The following RASL12 variants were observed in gnomAD, a reference collection of about 807,000 sequenced individuals.
RASL12 encodes RAS like family 12, also known as ras-like protein family member 12.
In RASL12, 16 loss-of-function variants were observed where a neutral mutation model predicts 22.9. The ratio of observed to expected loss-of-function variants is 0.70; its 90% CI spans 0.47 to 1.06. The LOEUF (loss-of-function observed/expected upper bound fraction) is 1.06. RASL12 is among the 50% of genes least tolerant of loss of function. The pLI is 0.00. For missense variants in RASL12, 306 were observed against 353.1 expected (o/e 0.87, Z 1.07); for synonymous variants, 159 against 152.2 (o/e 1.04, Z -0.33).
chr15:65,070,766 T>C (rs183453800), upstream of RASL12, among the ~76,000 whole-genome samples: 347 of 152,362 alleles, frequency 2.3e-3, 1 homozygote, highest in African/African-American at 7.5e-3. Context: ...GCGATGTGGT[T>C]GCCTCTTCTG....
chr15:65,063,866 G>C (rs2086843425), intron 2 of RASL12, among the ~76,000 whole-genome samples: 1 of 152,246 alleles, frequency 6.6e-6, no homozygotes. Context: ...TCCCCTCCAG[G>C]TGCGGCAGGA....
At position 65,053,479 on chromosome 15, in the gene RASL12, C is replaced by T; in HGVS notation, c.*1420G>A. On this transcript the variant is annotated 3_prime_UTR_variant, in exon 5 of 5. Transcript: ENST00000220062. ...CAAAAGTGCAAAATCCGTAGCTGGC[C>T]TGTGGGTCGGGAAGCCTGTAGGACT... The T allele has an allele frequency of 8.7e-7, 1 of 1,144,948 alleles. No homozygotes were observed. Among genetic ancestry groups the T allele is most frequent in the Non-Finnish European group, 1.1e-6 (1 of 929,666 alleles). 70.9% of individuals were successfully genotyped at this position (1,144,948 alleles called of 1,614,324 possible). A position where few individuals can be genotyped will look rare whatever the true frequency, so the allele number is the denominator to read the frequency against.
chr15:65,056,910 A>G (rs2086739072), intron 4 of RASL12, among the ~76,000 whole-genome samples: 1 of 152,016 alleles, frequency 6.6e-6, no homozygotes, highest in Admixed American at 6.6e-5. Flanking sequence ...CTCCCAAACC[A>G]TTTTAGACAA....
At chr15:65,068,509 C>G (rs976568434), upstream of RASL12, among the ~76,000 whole-genome samples, 3 of 152,166 alleles carry the variant, frequency 2.0e-5, no homozygotes, top group African/African-American at 4.8e-5. The surrounding 1 kb of genome is among the most constrained non-coding windows in gnomAD (Gnocchi z 4.2). Flanking sequence ...GGAGAGGGGG[C>G]GGGGCGGAGA....
At chr15:65,072,891 C>A (rs1184702938), upstream of RASL12, among the ~76,000 whole-genome samples, 1 of 152,152 alleles carries the variant, frequency 6.6e-6, no homozygotes, top group Non-Finnish European at 1.5e-5. Context: ...TGGCCCAGCA[C>A]TTTGGGAGGC....
intron 2 of RASL12, among the ~76,000 whole-genome samples, chr15:65,061,866 G>A (rs139740892): frequency 0.012 from 1,860 of 151,764 alleles, 41 homozygotes; most frequent in African/African-American, 0.042. Context: ...TGCTGAACAC[G>A]GTGAAACCCT....
intron 1 of RASL12, among the ~76,000 whole-genome samples, chr15:65,076,079 C>G (rs1228340186): frequency 2.0e-5 from 3 of 152,220 alleles, no homozygotes; most frequent in African/African-American, 7.2e-5. Flanking sequence ...ACCCACCAAT[C>G]AGCGCCCTGT....
chr15:65,054,724 C>A lies in RASL12; in HGVS notation c.*175G>T, dbSNP rs1038641025. The A allele has an allele frequency of 7.0e-7, 1 of 1,432,538 alleles. No individual in the cohort carries two copies. The highest frequency in any genetic ancestry group is 1.4e-5 in the African/African-American group (1 of 69,856). 88.7% of individuals were successfully genotyped at this position (1,432,538 alleles called of 1,614,324 possible). A position where few individuals can be genotyped will look rare whatever the true frequency, so the allele number is the denominator to read the frequency against. ...GACCAAGGCCTGGAGGGAACAGAAGCAGCATCCCTGCCTGCCACTCCAGCT... is the reference window on the plus strand; with the variant it reads ...GACCAAGGCCTGGAGGGAACAGAAGAAGCATCCCTGCCTGCCACTCCAGCT... On this transcript the variant is annotated 3_prime_UTR_variant, in exon 5 of 5. Transcript: ENST00000220062.
At chr15:65,055,808 T>A (rs12438638) in intron 4 of RASL12, among the ~76,000 whole-genome samples, 60,597 of 151,912 alleles carry the variant, frequency 0.4, 12,718 homozygotes, top group East Asian at 0.78. Context: ...GCTCCTGGGG[T>A]TTGTGTTTGT....
intron 1 of RASL12, among the ~76,000 whole-genome samples, 191 bp downstream of exon 1, chr15:65,067,542 A>C (rs2086892753): frequency 6.6e-6 from 1 of 152,174 alleles, no homozygotes; most frequent in African/African-American, 2.4e-5. Context: ...CTGAGCACAA[A>C]GCCGAGAGAA....
rs190921950 is a variant in RASL12 at position 65,073,070 on chromosome 15, C to A, written c.70+3459G>T. On this transcript the variant is annotated intron_variant, in intron 1 of 4. Transcript: ENST00000434605. ...AAAAAGAAACAAACAAACAAAAAAA[C>A]CCCAAACCAACGAACCAAACAAACA... Among the ~76,000 whole-genome samples, 684 of 152,062 alleles carry A rather than the reference C, an allele frequency of 4.5e-3. 15 individuals carry two copies. Among genetic ancestry groups the A allele is most frequent in the Admixed American group, 0.039 (598 of 15,254 alleles).
intron 1 of RASL12, among the ~76,000 whole-genome samples, chr15:65,066,388 T>C (rs1338119438): frequency 6.6e-6 from 1 of 152,116 alleles, no homozygotes; most frequent in Non-Finnish European, 1.5e-5. Context: ...CATGGTGGTA[T>C]GCCTGTAGTC....
At chr15:65,050,836 C>CTTT (rs57404080), downstream of RASL12, among the ~76,000 whole-genome samples, 31 of 95,628 alleles carry the variant, frequency 3.2e-4, no homozygotes, top group South Asian at 4.3e-4. Flanking sequence ...TCTTCTTCTT[C>CTTT]TTTTTTTTTT....
At chr15:65,059,494 C>G (rs1295706680) in intron 2 of RASL12, 76 bp from the exon 3 acceptor site, 11 of 1,171,316 alleles carry the variant, frequency 9.4e-6, no homozygotes, top group Non-Finnish European at 1.4e-5. Flanking sequence ...TGCTAGACCC[C>G]TGTGTGGCCT....
upstream of RASL12, chr15:65,068,204 G>C: frequency 1.0e-6 from 1 of 993,400 alleles, no homozygotes; most frequent in Non-Finnish European, 1.2e-6. This position sits in a 1 kb window ranked among gnomAD's most constrained non-coding sequence, Gnocchi z 4.2. Flanking sequence ...AAACCCGGCC[G>C]GGAAGGAGCA....
At chr15:65,064,479 T>C (rs1259672165) in intron 2 of RASL12, among the ~76,000 whole-genome samples, 1 of 152,210 alleles carries the variant, frequency 6.6e-6, no homozygotes, top group Non-Finnish European at 1.5e-5. Context: ...TGTTTTCTCA[T>C]ACGGTTAAAA....
chr15:65,066,089 A>C (rs2086875138), intron 1 of RASL12, among the ~76,000 whole-genome samples: 1 of 151,640 alleles, frequency 6.6e-6, no homozygotes, highest in Non-Finnish European at 1.5e-5. Context: ...GAATAAAAGA[A>C]AGAGAAGGAA....
chr15:65,075,152 G>A (rs1488649954), intron 1 of RASL12, among the ~76,000 whole-genome samples: 2 of 152,252 alleles, frequency 1.3e-5, no homozygotes, highest in African/African-American at 4.8e-5. Flanking sequence ...CGGGCAATGA[G>A]GGACTTTGCA....
rs748653739 is a variant in RASL12, at chr15:65,059,381, C to T, written c.198G>A (p.Gln66=). 1 of 1,614,094 alleles carries T rather than the reference C, an allele frequency of 6.2e-7. No individual in the cohort carries two copies. The highest frequency in any genetic ancestry group is 8.5e-7 in the Non-Finnish European group (1 of 1,180,032). Residue 66 remains glutamine (Q), a synonymous_variant, in exon 3 of 5, where the codon CAG becomes CAA. Coordinates refer to ENST00000220062, the MANE Select transcript of RASL12 (RefSeq NM_016563.4). Reference sequence around the variant, plus strand: ...TGTCCATGACCCTCAGGTGGACAGGCTGGTGGTCCACAGTCTCCTCGGAGC... The same window carrying T: ...TGTCCATGACCCTCAGGTGGACAGGTTGGTGGTCCACAGTCTCCTCGGAGC... The part of the protein sequence containing the change: ...TYSSEETVDH[Q]PVHLRVMDTA...
Sources: allele counts gnomAD v4.1 joint callset (sites outside exome capture counted in the v4.1 genomes callset), GRCh38; gene constraint gnomAD v4.1.1; non-coding constraint Gnocchi (gnomAD v3.1); transcripts MANE v1.5; gene names NCBI Gene and HGNC (gene_info 2026-07-23, HGNC 2026-07-21).